TEX11: variants seen among roughly 807,000 people sequenced by gnomAD.
TEX11 encodes the protein testis expressed 11.
Under a neutral mutation model 84.4 loss-of-function variants are expected in TEX11, and 7 were observed. The observed-to-expected ratio is 0.08, with a 90% CI of 0.05 to 0.16. The LOEUF is 0.16. Ranked by LOEUF, TEX11 falls within the 10% of genes least tolerant of loss-of-function variation. The probability of loss-of-function intolerance (pLI) is 1.00; values close to 1 mark genes in which losing one functional copy is unlikely to be tolerated. For synonymous variants in TEX11, 264 were observed against 222.8 expected, an observed-to-expected ratio of 1.18 and a Z score of -1.64; for missense variants, 551 against 660.5, an observed-to-expected ratio of 0.83 and a Z score of 1.82.
intron 5 of TEX11, among the ~76,000 whole-genome samples, chrX:70,858,641 A>G (rs942889104): frequency 5.4e-5 from 6 of 111,877 alleles, no homozygotes; most frequent in African/African-American, 1.9e-4. Flanking sequence ...TATGTTTAAA[A>G]AAATTAAGCA....
At chrX:70,563,768 C>T (rs760310522) in intron 25 of TEX11, among the ~76,000 whole-genome samples, 1 of 112,613 alleles carries the variant, frequency 8.9e-6, no homozygotes, top group East Asian at 2.8e-4. Flanking sequence ...TTTTCTGCAT[C>T]TATTGAGATT....
chrX:70,731,401 C>T (rs776138668), intron 11 of TEX11, among the ~76,000 whole-genome samples: 1,959 of 109,243 alleles, frequency 0.018, 43 homozygotes, highest in African/African-American at 0.062. Context: ...ATTGATAGAC[C>T]GCTAGCAAGA....
intron 25 of TEX11, among the ~76,000 whole-genome samples, chrX:70,586,558 A>G (rs2088855339): frequency 8.9e-6 from 1 of 112,078 alleles, no homozygotes; most frequent in Non-Finnish European, 1.9e-5. Flanking sequence ...CAAATAACCA[A>G]TAAGCACATG....
At chrX:70,739,090 C>T (rs1470065642) in intron 11 of TEX11, among the ~76,000 whole-genome samples, 1 of 111,503 alleles carries the variant, frequency 9.0e-6, no homozygotes, top group Non-Finnish European at 1.9e-5. Context: ...GCACATTCTG[C>T]ACATGTATCC....
intron 13 of TEX11, among the ~76,000 whole-genome samples, chrX:70,714,556 T>G (rs933117981): frequency 2.7e-5 from 3 of 111,929 alleles, no homozygotes; most frequent in African/African-American, 9.7e-5. Flanking sequence ...ATGGCCTTCT[T>G]TGTCTCTTTT....
intron 18 of TEX11, among the ~76,000 whole-genome samples, chrX:70,627,864 T>C (rs1453217447): frequency 9.0e-6 from 1 of 111,660 alleles, no homozygotes; most frequent in Non-Finnish European, 1.9e-5. Flanking sequence ...GAGAATAAAA[T>C]GTATATATAA....
chrX:70,733,583 T>A (rs1433953886), intron 11 of TEX11, among the ~76,000 whole-genome samples: 3 of 111,252 alleles, frequency 2.7e-5, no homozygotes, highest in Non-Finnish European at 5.7e-5. Context: ...ATCAGAGAAA[T>A]GCAAATCAAA....
At chrX:70,750,161 T>C (rs1352235388) in intron 9 of TEX11, among the ~76,000 whole-genome samples, 3 of 111,633 alleles carry the variant, frequency 2.7e-5, no homozygotes, top group Non-Finnish European at 5.6e-5. Context: ...AGCCAAAAGA[T>C]ACGTGAAAAA....
At chrX:70,693,936 T>C (rs2090257733) in intron 13 of TEX11, among the ~76,000 whole-genome samples, 1 of 112,319 alleles carries the variant, frequency 8.9e-6, no homozygotes, top group African/African-American at 3.2e-5. Context: ...GGATCTTGTT[T>C]ACAAAATATT....
chrX:70,549,159 G>A (rs773337719), intron 28 of TEX11, among the ~76,000 whole-genome samples: 2 of 111,121 alleles, frequency 1.8e-5, no homozygotes, highest in South Asian at 3.9e-4. Context: ...GACACACCTC[G>A]GGCTAAAAGG....
intron 17 of TEX11, among the ~76,000 whole-genome samples, chrX:70,649,046 C>G (rs1338097372): frequency 9.0e-6 from 1 of 111,700 alleles, no homozygotes; most frequent in Non-Finnish European, 1.9e-5. Context: ...AAGACATGAT[C>G]TTATTCCTTT....
intron 28 of TEX11, among the ~76,000 whole-genome samples, chrX:70,536,996 G>C (rs764264479): frequency 2.7e-5 from 3 of 111,966 alleles, no homozygotes; most frequent in Non-Finnish European, 5.6e-5. Context: ...TCTGTAGGCA[G>C]AGAGTAAAAA....
intron 9 of TEX11, among the ~76,000 whole-genome samples, chrX:70,760,249 A>T (rs2090899662): frequency 8.9e-6 from 1 of 112,164 alleles, no homozygotes; most frequent in Non-Finnish European, 1.9e-5. Flanking sequence ...TCTTCACAGA[A>T]TTGGAAAAAA....
chrX:70,756,499 G>GCAAACTC (rs1459880144), intron 9 of TEX11, among the ~76,000 whole-genome samples: 1 of 111,945 alleles, frequency 8.9e-6, no homozygotes, highest in Non-Finnish European at 1.9e-5. Flanking sequence ...TGGACCTCCA[G>GCAAACTC]CAAACTCCAA....
At chrX:70,858,442 A>G (rs1388848342) in intron 5 of TEX11, among the ~76,000 whole-genome samples, 4 of 92,443 alleles carry the variant, frequency 4.3e-5, no homozygotes, top group Non-Finnish European at 7.9e-5. Context: ...ACTCCATCTC[A>G]AGAAAAAAAA....
chrX:70,682,595 G>T (rs1364807904), intron 14 of TEX11, 79 bp downstream of exon 14: 1 of 1,049,017 alleles, frequency 9.5e-7, no homozygotes, highest in African/African-American at 1.9e-5. Context: ...TTGACTTGAG[G>T]ATTTTGCTAT....
At chrX:70,824,769 T>C (rs2091336121) in intron 8 of TEX11, among the ~76,000 whole-genome samples, 1 of 111,492 alleles carries the variant, frequency 9.0e-6, no homozygotes, top group African/African-American at 3.3e-5. Context: ...CAACCTAATT[T>C]ACATAACAAA....
intron 7 of TEX11, among the ~76,000 whole-genome samples, chrX:70,841,858 C>T (rs760982290): frequency 0.011 from 1,198 of 111,359 alleles, 12 homozygotes; most frequent in African/African-American, 0.036. Flanking sequence ...AACACCTCTA[C>T]GCAAATAAAC....
intron 8 of TEX11, among the ~76,000 whole-genome samples, chrX:70,820,014 A>T (rs2091310580): frequency 8.9e-6 from 1 of 112,158 alleles, no homozygotes; most frequent in Non-Finnish European, 1.9e-5. Context: ...CTACAGATTC[A>T]ATGTAATACT....
Sources: allele counts gnomAD v4.1 joint callset (sites outside exome capture counted in the v4.1 genomes callset), GRCh38; gene constraint gnomAD v4.1.1; transcripts MANE v1.5; gene names NCBI Gene and HGNC (gene_info 2026-07-23, HGNC 2026-07-21).